The following THSD7A variants were observed in gnomAD, a reference collection of about 807,000 sequenced individuals.
The protein encoded by THSD7A is thrombospondin type-1 domain-containing protein 7A.
THSD7A carries 96 observed loss-of-function variants against 231.3 expected under a neutral mutation model. That is an observed-to-expected ratio of 0.41 (90% confidence interval 0.35 to 0.49). The LOEUF is 0.49. Ranked by LOEUF, THSD7A falls within the 20% of genes least tolerant of loss-of-function variation. The pLI, the probability that THSD7A is intolerant of heterozygous loss-of-function variation, is 0.05. For synonymous variants in THSD7A, 940 were observed against 743.3 expected, an observed-to-expected ratio of 1.26 and a Z score of -4.30; for missense variants, 2,290 against 2,070.2, an observed-to-expected ratio of 1.11 and a Z score of -2.06.
At chr7:11,555,963 T>A (rs1240849624) in intron 4 of THSD7A, among the ~76,000 whole-genome samples, 1 of 151,868 alleles carries the variant, frequency 6.6e-6, no homozygotes, top group Admixed American at 6.6e-5. Flanking sequence ...AACCTGCATA[T>A]AACATTATAT....
chr7:11,804,052 A>G (rs538537009), intron 1 of THSD7A, among the ~76,000 whole-genome samples: 8 of 152,172 alleles, frequency 5.3e-5, no homozygotes, highest in Non-Finnish European at 1.2e-4. Context: ...AATGGATGTT[A>G]TTAAAATTAT....
At chr7:11,725,548 T>TA (rs1429118622) in intron 1 of THSD7A, among the ~76,000 whole-genome samples, 7 of 152,006 alleles carry the variant, frequency 4.6e-5, no homozygotes, top group Non-Finnish European at 8.8e-5. Context: ...GAAATGTCAA[T>TA]AGGACCATAT....
chr7:11,601,424 AAG>A (rs1177181933), intron 2 of THSD7A, among the ~76,000 whole-genome samples: 1 of 152,204 alleles, frequency 6.6e-6, no homozygotes, highest in Non-Finnish European at 1.5e-5. Flanking sequence ...AACACCTGGT[AAG>A]CAGTCGCAGC....
chr7:11,731,324 T>G (rs545471106), intron 1 of THSD7A, among the ~76,000 whole-genome samples: 1 of 151,606 alleles, frequency 6.6e-6, no homozygotes, highest in Non-Finnish European at 1.5e-5. Context: ...CTGATTATTG[T>G]GCATTCCCAA....
At chr7:11,602,796 T>G (rs761743587) in intron 2 of THSD7A, among the ~76,000 whole-genome samples, 1 of 151,626 alleles carries the variant, frequency 6.6e-6, no homozygotes, top group South Asian at 2.1e-4. Flanking sequence ...TAGATTCTGG[T>G]GGTGAGGTGG....
intron 1 of THSD7A, among the ~76,000 whole-genome samples, chr7:11,714,314 T>G (rs1021742793): frequency 1.5e-4 from 22 of 151,284 alleles, no homozygotes; most frequent in Non-Finnish European, 3.0e-5. Context: ...ACATGTGTAT[T>G]TTTAAATTTT....
At position 11,397,648 on chromosome 7, in the gene THSD7A, A is replaced by G. The variant is rs534060986; in HGVS notation, c.4411+4147T>C. 1.4e-4 allele frequency among the ~76,000 whole-genome samples: 22 copies of G among 152,348 alleles called. No individual in the cohort carries two copies. In the East Asian group the frequency reaches 4.2e-3, roughly 29 times the overall value. On this transcript the variant is annotated intron_variant, in intron 23 of 27. Coordinates refer to ENST00000423059, the MANE Select transcript of THSD7A (RefSeq NM_015204.3). Reference sequence around the variant, plus strand: ...TGCTGATTGGGAGAAAAATTTTGCAATCTATCCATCTGACAAGAGGCTAAT... The same window carrying G: ...TGCTGATTGGGAGAAAAATTTTGCAGTCTATCCATCTGACAAGAGGCTAAT...
chr7:11,614,068 C>A lies in THSD7A; in HGVS notation c.1023-20566G>T, dbSNP rs368919026. On this transcript the variant is annotated intron_variant, in intron 2 of 27. Transcript: ENST00000423059. Reference sequence around the variant, plus strand: ...AAAGAATTTTCAGTTAAGGTGCCAACTGGGAAATAATTAGTGAAGTTGGGA... The same window carrying A: ...AAAGAATTTTCAGTTAAGGTGCCAAATGGGAAATAATTAGTGAAGTTGGGA... Among the ~76,000 whole-genome samples, 77 of 152,246 alleles carry A rather than the reference C, an allele frequency of 5.1e-4. 1 individual carries two copies. In the South Asian group the frequency reaches 0.016, roughly 31 times the overall value.
chr7:11,505,185 G>C (rs2128311513), intron 6 of THSD7A, among the ~76,000 whole-genome samples: 1 of 152,196 alleles, frequency 6.6e-6, no homozygotes, highest in East Asian at 1.9e-4. Flanking sequence ...GGAAAATCTG[G>C]ATATTCTAAA....
At chr7:11,587,344 G>C (rs150221598) in intron 4 of THSD7A, among the ~76,000 whole-genome samples, 3 of 152,300 alleles carry the variant, frequency 2.0e-5, no homozygotes, top group African/African-American at 7.2e-5. Flanking sequence ...GACACTGTCA[G>C]TAGGGAACTT....
chr7:11,531,002 C>A (rs1788687223), intron 6 of THSD7A, among the ~76,000 whole-genome samples: 1 of 152,098 alleles, frequency 6.6e-6, no homozygotes, highest in African/African-American at 2.4e-5. Context: ...CAGACCAAGA[C>A]TCTGTCACAA....
At chr7:11,518,621 GCA>G (rs932525049) in intron 6 of THSD7A, among the ~76,000 whole-genome samples, 1 of 99,618 alleles carries the variant, frequency 1.0e-5, no homozygotes, top group Admixed American at 9.7e-5. Context: ...ACACACACAC[GCA>G]CACACAGGCA....
intron 6 of THSD7A, among the ~76,000 whole-genome samples, chr7:11,497,245 T>G (rs907307585): frequency 6.6e-6 from 1 of 152,132 alleles, no homozygotes. Flanking sequence ...CCCCCATGAT[T>G]CAATTACCTC....
In THSD7A at chr7:11,721,636, T is replaced by G. The variant is rs534536299; in HGVS notation, c.191-84675A>C. On this transcript the variant is annotated intron_variant, in intron 1 of 27. Transcript: ENST00000423059. ...AAAGCAGCCACTGATGCCTCTCATC[T>G]GGATTACTACTGATAGAAGCTGCTA... Among the ~76,000 whole-genome samples the G allele has an allele frequency of 4.5e-4, 69 of 152,046 alleles. 2 individuals carry two copies. The highest frequency in any genetic ancestry group is 1.6e-3 in the African/African-American group (67 of 41,550).
Position 11,374,619 on chromosome 7 carries a change from C to CTTTTTTT in THSD7A, c.*1174_*1175insAAAAAAA, listed in dbSNP as rs10657442. 2.0e-5 allele frequency: 3 copies of CTTTTTTT among 150,812 alleles called. No homozygotes were observed. The highest frequency in any genetic ancestry group is 4.4e-5 in the Non-Finnish European group (3 of 67,628). 9.3% of individuals were successfully genotyped at this position (150,812 alleles called of 1,614,324 possible). A position where few individuals can be genotyped will look rare whatever the true frequency, so the allele number is the denominator to read the frequency against. ...TCAAAATTAAAAAGACATCCAGTTC[C>CTTTTTTT]TTTTTCTTTTTTTTTCTTAACAAAG... On this transcript the variant is annotated 3_prime_UTR_variant, in exon 28 of 28. Transcript: ENST00000423059.
Position 11,801,482 on chromosome 7 carries a change from A to G in THSD7A, c.190+30275T>C, listed in dbSNP as rs183290901. Among the ~76,000 whole-genome samples the G allele has an allele frequency of 2.7e-3, 414 of 152,330 alleles. 4 individuals carry two copies. Among genetic ancestry groups the G allele is most frequent in the African/African-American group, 9.5e-3 (396 of 41,586 alleles). ...GAAACTTGTCCAAGGTAACAACGTTAGAAAGTGCCAGAAACAAAATTTTAA... is the reference window on the plus strand; with the variant it reads ...GAAACTTGTCCAAGGTAACAACGTTGGAAAGTGCCAGAAACAAAATTTTAA... On this transcript the variant is annotated intron_variant, in intron 1 of 27. Transcript: ENST00000423059.
chr7:11,404,880 A>T (rs1783530552), intron 22 of THSD7A, among the ~76,000 whole-genome samples: 1 of 152,150 alleles, frequency 6.6e-6, no homozygotes, highest in Admixed American at 6.6e-5. Context: ...CTTAGAACGG[A>T]TCTCTAGAAC....
chr7:11,708,947 G>A (rs1416513199), intron 1 of THSD7A, among the ~76,000 whole-genome samples: 4 of 150,610 alleles, frequency 2.7e-5, no homozygotes, highest in South Asian at 2.1e-4. Context: ...AGCACTATAC[G>A]GTCAATGCCA....
In THSD7A at chr7:11,429,000, C is replaced by T; in HGVS notation, c.3190G>A (p.Glu1064Lys). Residue 1064 changes from glutamate (E) to lysine (K), a missense_variant, in exon 14 of 28, where the codon GAA becomes AAA. By Grantham distance (56) the Glu-to-Lys change is moderately conservative. Coordinates refer to ENST00000423059, the MANE Select transcript of THSD7A (RefSeq NM_015204.3). ...GVKVRSKWLR[E>K]KPYNGGRPCP... ...GGCCTTCCTCCATTATATGGTTTTT[C>T]ACGCAGCCATTTAGAACGAACCTTC... The T allele has an allele frequency of 6.2e-7, 1 of 1,612,834 alleles. No individual in the cohort carries two copies. Among genetic ancestry groups the T allele is most frequent in the Non-Finnish European group, 8.5e-7 (1 of 1,179,412 alleles).
Sources: gnomAD v4.1 joint callset for allele counts (sites outside exome capture counted in the v4.1 genomes callset) on GRCh38, gnomAD v4.1.1 for gene constraint, MANE v1.5 for transcripts, NCBI Gene and HGNC (gene_info 2026-07-23, HGNC 2026-07-21) for gene names.